DST: variants seen among roughly 807,000 people sequenced by gnomAD.
DST encodes dystonin.
Under a neutral mutation model 875.2 loss-of-function variants are expected in DST, and 253 were observed. That is an observed-to-expected ratio of 0.29 (90% CI 0.26 to 0.32). The LOEUF is 0.32. Ranked by LOEUF, DST falls within the 10% of genes least tolerant of loss-of-function variation. DST has a pLI of 1.00. For synonymous variants in DST, 3,124 were observed against 3,197.1 expected, an observed-to-expected ratio of 0.98 and a Z score of 0.77; for missense variants, 8,287 against 9,111.6, an observed-to-expected ratio of 0.91 and a Z score of 3.68.
At position 56,631,629 on chromosome 6, in the gene DST, A is replaced by G. The variant is rs546762933; in HGVS notation, c.3964-240T>C. 2.0e-4 allele frequency among the ~76,000 whole-genome samples: 31 copies of G among 152,338 alleles called. No homozygotes were observed. The South Asian group carries it at 5.8e-3, about 29-fold the overall frequency. On this transcript the variant is annotated intron_variant, in intron 29 of 103. Coordinates refer to ENST00000680361, the MANE Select transcript of DST (RefSeq NM_001374736.1). ...TAGTACTTTTGCACACAGCAGGTGT[A>G]TAATGACTTTTATTACAAGTCCTTA...
rs760415843 is a variant in DST at position 56,616,565 on chromosome 6, A to C, written c.4930-2081T>G. On this transcript the variant is annotated intron_variant, in intron 36 of 103. Transcript: ENST00000680361. ...CATTCGCAGTAATTCTGAGTAATAC[A>C]GAGCTTGCTTGTTATTGGGATTAGG... 9 of 1,614,056 alleles carry C rather than the reference A, an allele frequency of 5.6e-6. No individual in the cohort carries two copies. Among genetic ancestry groups the C allele is most frequent in the African/African-American group, 4.0e-5 (3 of 74,920 alleles).
intron 2 of DST, among the ~76,000 whole-genome samples, chr6:56,931,378 A>G (rs1810118838): frequency 6.6e-6 from 1 of 152,226 alleles, no homozygotes; most frequent in African/African-American, 2.4e-5. Context: ...AGTTTGCTGC[A>G]GGGGCAGGGC....
At chr6:56,826,677 C>T in intron 4 of DST, among the ~76,000 whole-genome samples, 1 of 152,128 alleles carries the variant, frequency 6.6e-6, no homozygotes, top group Non-Finnish European at 1.5e-5. Context: ...ATTCATATTA[C>T]TTATTAGTTG....
At chr6:56,688,467 A>AAAAGCC (rs1163243078) in intron 9 of DST, among the ~76,000 whole-genome samples, 2 of 152,234 alleles carry the variant, frequency 1.3e-5, no homozygotes, top group African/African-American at 4.8e-5. Context: ...TTTTAAATAC[A>AAAAGCC]AAAGCCAAGG....
chr6:56,506,730 A>G lies in DST; in HGVS notation c.19299T>C (p.Gly6433=). ...QEELDIVINL[G]SELIAACGEP... ...CCCCACATGCCGCAATGAGTTCAGA[A>G]CCTAGGTTAATAACTATATCCAGCT... The change falls in exon 76 of 104, where the codon GGT becomes GGC. Residue 6433 remains glycine, a synonymous_variant. Transcript: ENST00000680361. 1 of 1,613,624 alleles carries G rather than the reference A, an allele frequency of 6.2e-7. No individual in the cohort carries two copies. The highest frequency in any genetic ancestry group is 8.5e-7 in the Non-Finnish European group (1 of 1,179,644).
At chr6:56,790,872 T>C (rs1012477585) in intron 4 of DST, among the ~76,000 whole-genome samples, 4 of 152,190 alleles carry the variant, frequency 2.6e-5, no homozygotes, top group Non-Finnish European at 5.9e-5. Flanking sequence ...GAAGTCCCCA[T>C]TGCCCACACT....
At chr6:56,696,469 C>T (rs2099264638) in intron 9 of DST, among the ~76,000 whole-genome samples, 2 of 152,010 alleles carry the variant, frequency 1.3e-5, no homozygotes, top group East Asian at 1.9e-4. Context: ...GCCCGCAAAA[C>T]TTCTTTTGAT....
chr6:56,573,019 T>C lies in DST; in HGVS notation c.13282A>G (p.Met4428Val), dbSNP rs780019369. 2.5e-6 allele frequency: 4 copies of C among 1,604,948 alleles called. No homozygotes were observed. The highest frequency in any genetic ancestry group is 3.4e-6 in the Non-Finnish European group (4 of 1,175,572). Reference protein sequence around the residue: ...IAGRQSSINAMNEKVKKFMET... With the variant: ...IAGRQSSINAVNEKVKKFMET... ...ATAAATTTCTTCACTTTTTCATTCATGGCATTTATACTGCTCTGACGACCT... is the reference window on the plus strand; with the variant it reads ...ATAAATTTCTTCACTTTTTCATTCACGGCATTTATACTGCTCTGACGACCT... The change falls in exon 52 of 104, where the codon ATG becomes GTG. Residue 4428 changes from methionine to valine, a missense_variant. Physicochemically the swap from Met to Val is conservative, Grantham distance 21 (BLOSUM62 1). Transcript: ENST00000680361.
At chr6:56,692,606 C>A (rs1044354847) in intron 9 of DST, 1 of 1,289,724 alleles carries the variant, frequency 7.8e-7, no homozygotes, top group African/African-American at 1.5e-5. Flanking sequence ...AAGCTGGCTG[C>A]CTTTCGGAAA....
At chr6:56,656,545 C>A (rs2099009644) in intron 10 of DST, among the ~76,000 whole-genome samples, 1 of 152,164 alleles carries the variant, frequency 6.6e-6, no homozygotes, top group African/African-American at 2.4e-5. Flanking sequence ...TGACCCTAAG[C>A]AGTAGGTTGT....
chr6:56,646,769 T>C (rs950175445), intron 13 of DST, among the ~76,000 whole-genome samples: 4 of 152,212 alleles, frequency 2.6e-5, no homozygotes, highest in Non-Finnish European at 4.4e-5. Context: ...ATTAAGTTAC[T>C]ATCTAGTTTG....
At chr6:56,930,885 A>C (rs1809838148) in intron 2 of DST, among the ~76,000 whole-genome samples, 1 of 152,238 alleles carries the variant, frequency 6.6e-6, no homozygotes, top group Non-Finnish European at 1.5e-5. Context: ...TGCATGACAA[A>C]ATCCAAAACC....
intron 4 of DST, among the ~76,000 whole-genome samples, chr6:56,738,561 C>T (rs1387409491): frequency 2.6e-5 from 4 of 152,088 alleles, no homozygotes; most frequent in Admixed American, 2.0e-4. Flanking sequence ...ACCTCGTGAT[C>T]GGCCCGCCTC....
chr6:56,839,529 G>A (rs1174153238), intron 4 of DST, among the ~76,000 whole-genome samples: 1 of 152,144 alleles, frequency 6.6e-6, no homozygotes, highest in Non-Finnish European at 1.5e-5. Flanking sequence ...ATGAGCAGAA[G>A]AAATTTGAAA....
chr6:56,593,572 A>G, intron 48 of DST, 91 bp downstream of exon 48: 1 of 1,051,994 alleles, frequency 9.5e-7, no homozygotes, highest in Non-Finnish European at 1.3e-6. Flanking sequence ...CCTGTTTTGG[A>G]TTTTAGGTTT....
chr6:56,566,314 G>A (rs967747505), intron 55 of DST, among the ~76,000 whole-genome samples: 4 of 152,192 alleles, frequency 2.6e-5, no homozygotes, highest in African/African-American at 9.7e-5. Flanking sequence ...TTGAAACCCA[G>A]AGCCCTGGTG....
chr6:56,489,462 A>C (rs760538826), intron 86 of DST, 28 bp downstream of exon 86: 91 of 1,601,464 alleles, frequency 5.7e-5, no homozygotes, highest in Non-Finnish European at 7.5e-5. Flanking sequence ...ATAATGAGAC[A>C]ATATGCTCTT....
At chr6:56,485,260 T>C (rs751458926) in intron 88 of DST, 52 bp downstream of exon 88, 2 of 1,594,824 alleles carry the variant, frequency 1.3e-6, no homozygotes, top group Non-Finnish European at 1.7e-6. Context: ...ACATTTCCTG[T>C]ACACTCAGAA....
chr6:56,572,688 G>A, intron 52 of DST, 59 bp downstream of exon 52: 1 of 1,266,466 alleles, frequency 7.9e-7, no homozygotes, highest in Non-Finnish European at 1.1e-6. Context: ...CTAAGTATAT[G>A]AGTTTGCCCT....
Sources: allele counts gnomAD v4.1 joint callset (sites outside exome capture counted in the v4.1 genomes callset), GRCh38; gene constraint gnomAD v4.1.1; transcripts MANE v1.5; gene names NCBI Gene and HGNC (gene_info 2026-07-23, HGNC 2026-07-21).